The following CAMK1D variants were observed in gnomAD, a reference collection of about 807,000 sequenced individuals.
The protein encoded by CAMK1D is calcium/calmodulin dependent protein kinase ID, also known as calcium/calmodulin-dependent protein kinase type 1D.
CAMK1D carries 9 observed loss-of-function variants against 47.7 expected under a neutral mutation model. The ratio of observed to expected loss-of-function variants is 0.19; its 90% CI spans 0.11 to 0.33. The LOEUF is 0.33. Ranked by LOEUF, CAMK1D falls within the 10% of genes least tolerant of loss-of-function variation. The pLI is 1.00. For missense variants in CAMK1D, 291 were observed against 488.7 expected (o/e 0.60, Z 3.81); for synonymous variants, 184 against 184.9 (o/e 0.99, Z 0.04).
intron 1 of CAMK1D, among the ~76,000 whole-genome samples, chr10:12,506,740 G>A (rs145837045): frequency 4.3e-4 from 66 of 152,108 alleles, no homozygotes; most frequent in African/African-American, 1.4e-3. Context: ...GGATGGTCTC[G>A]GTCTCCTGAC....
intron 2 of CAMK1D, among the ~76,000 whole-genome samples, chr10:12,647,904 T>A (rs1839855477): frequency 6.6e-6 from 1 of 152,154 alleles, no homozygotes; most frequent in African/African-American, 2.4e-5. Context: ...GCACTGTTGA[T>A]GGGATGTCCT....
At chr10:12,446,765 C>T (rs573531739) in intron 1 of CAMK1D, among the ~76,000 whole-genome samples, 3 of 152,184 alleles carry the variant, frequency 2.0e-5, no homozygotes, top group African/African-American at 4.8e-5. Flanking sequence ...GATTCCCAAG[C>T]CCTTTGGAGT....
chr10:12,647,386 T>C (rs1375609527), intron 2 of CAMK1D, among the ~76,000 whole-genome samples: 2 of 152,094 alleles, frequency 1.3e-5, no homozygotes, highest in East Asian at 3.9e-4. Flanking sequence ...TGACCTCAAG[T>C]GACCCACGTG....
chr10:12,702,863 G>A (rs1385358781), intron 3 of CAMK1D, among the ~76,000 whole-genome samples: 1 of 152,226 alleles, frequency 6.6e-6, no homozygotes, highest in Non-Finnish European at 1.5e-5. Flanking sequence ...CCTAGGGGCA[G>A]CCCGAAGGTC....
intron 1 of CAMK1D, among the ~76,000 whole-genome samples, chr10:12,541,795 A>G (rs1190595149): frequency 6.6e-6 from 1 of 151,534 alleles, no homozygotes. Context: ...TGTTTCCTAG[A>G]CGGTCTCAAG....
intron 2 of CAMK1D, among the ~76,000 whole-genome samples, chr10:12,617,396 C>T (rs139868286): frequency 2.0e-5 from 3 of 152,332 alleles, no homozygotes; most frequent in South Asian, 4.1e-4. Flanking sequence ...GCGTCACTTA[C>T]GGTAAATATC....
intron 5 of CAMK1D, among the ~76,000 whole-genome samples, chr10:12,785,168 A>G (rs923534174): frequency 1.3e-5 from 2 of 152,214 alleles, no homozygotes; most frequent in Non-Finnish European, 1.5e-5. Flanking sequence ...ACTGGCTTGC[A>G]TAGGTCCCTT....
chr10:12,567,467 C>T (rs1417639893), intron 2 of CAMK1D, among the ~76,000 whole-genome samples: 2 of 152,152 alleles, frequency 1.3e-5, no homozygotes, highest in African/African-American at 2.4e-5. Flanking sequence ...GAGACGTTCA[C>T]GGTTTGGGGG....
In CAMK1D at chr10:12,560,998, C is replaced by T. The variant is rs186984371; in HGVS notation, c.224+7642C>T. Among the ~76,000 whole-genome samples, 65 of 151,962 alleles carry T rather than the reference C, an allele frequency of 4.3e-4. No individual in the cohort carries two copies. The South Asian group carries it at 6.0e-3, about 14-fold the overall frequency. On this transcript the variant is annotated intron_variant, in intron 2 of 10. Coordinates refer to ENST00000619168, the MANE Select transcript of CAMK1D (RefSeq NM_153498.4). ...GTGCGATCTCGGCTCACTGCAAGCTCCGCCTCCCAGCTTCACGCCATTCTC... is the reference window on the plus strand; with the variant it reads ...GTGCGATCTCGGCTCACTGCAAGCTTCGCCTCCCAGCTTCACGCCATTCTC...
chr10:12,574,497 T>TTTTTTTTA lies in CAMK1D; in HGVS notation c.224+21141_224+21142insTTTTTTTA, dbSNP rs368308201. On this transcript the variant is annotated intron_variant, in intron 2 of 10. Transcript: ENST00000619168. ...TTTTTTTTTTTTTTTTTTTTTTTTTTAGTAGAGACGGGGCTTCGCCATGTT... is the reference window on the plus strand; with the variant it reads ...TTTTTTTTTTTTTTTTTTTTTTTTTTTTTTTTTAAGTAGAGACGGGGCTTCGCCATGTT... 7.1e-4 allele frequency among the ~76,000 whole-genome samples: 91 copies of TTTTTTTTA among 128,764 alleles called. 4 individuals are homozygous for TTTTTTTTA. Among genetic ancestry groups the TTTTTTTTA allele is most frequent in the South Asian group, 1.0e-3 (4 of 3,890 alleles). 84.5% of individuals were successfully genotyped at this position (128,764 alleles called of 152,430 possible). A position where few individuals can be genotyped will look rare whatever the true frequency, so the allele number is the denominator to read the frequency against.
chr10:12,396,991 G>A (rs1244944259), intron 1 of CAMK1D, among the ~76,000 whole-genome samples: 3 of 152,112 alleles, frequency 2.0e-5, no homozygotes, highest in African/African-American at 7.2e-5. Flanking sequence ...ATCTCGACTG[G>A]GCCCTGTCGG....
At chr10:12,405,286 CCATGGT>C (rs1839380008) in intron 1 of CAMK1D, among the ~76,000 whole-genome samples, 2 of 152,156 alleles carry the variant, frequency 1.3e-5, no homozygotes, top group African/African-American at 4.8e-5. Flanking sequence ...AGTTCCATGC[CCATGGT>C]CAGAGATGTG....
At chr10:12,451,447 C>T (rs562711081) in intron 1 of CAMK1D, among the ~76,000 whole-genome samples, 347 of 152,268 alleles carry the variant, frequency 2.3e-3, no homozygotes, top group Middle Eastern at 3.4e-3. Context: ...TCACTCTTGC[C>T]CTCTTCTTGG....
chr10:12,828,201 AG>A (rs1367065407), intron 10 of CAMK1D, among the ~76,000 whole-genome samples: 1 of 152,246 alleles, frequency 6.6e-6, no homozygotes, highest in East Asian at 1.9e-4. Context: ...GTTGTACCAC[AG>A]TGGTGAAACC....
At chr10:12,418,082 T>C (rs149516661) in intron 1 of CAMK1D, among the ~76,000 whole-genome samples, 2 of 152,130 alleles carry the variant, frequency 1.3e-5, no homozygotes, top group African/African-American at 4.8e-5. Context: ...CTCACAAGAG[T>C]GAGCCACCAC....
intron 2 of CAMK1D, among the ~76,000 whole-genome samples, chr10:12,637,183 G>A (rs570680240): frequency 6.6e-6 from 1 of 152,028 alleles, no homozygotes; most frequent in African/African-American, 2.4e-5. Flanking sequence ...TGTTGGCCAG[G>A]CTGATCTTGA....
intron 3 of CAMK1D, among the ~76,000 whole-genome samples, chr10:12,673,024 G>A (rs573466540): frequency 6.6e-6 from 1 of 151,658 alleles, no homozygotes; most frequent in South Asian, 2.1e-4. Context: ...AGCCTCCTGA[G>A]TAGCTGGGAT....
At position 12,694,100 on chromosome 10, in the gene CAMK1D, TA is replaced by T. The variant is rs1284097747; in HGVS notation, c.299+27292del. 3.1e-4 allele frequency among the ~76,000 whole-genome samples: 17 copies of T among 55,148 alleles called. 3 individuals carry two copies. Among genetic ancestry groups the T allele is most frequent in the African/African-American group, 9.6e-4 (13 of 13,572 alleles). The allele number at this position is 55,148 out of a possible 152,430, so 36.2% of individuals were successfully genotyped here. On this transcript the variant is annotated intron_variant, in intron 3 of 10. Coordinates refer to ENST00000619168, the MANE Select transcript of CAMK1D (RefSeq NM_153498.4). ...AATATTATGTATAATATATATTATA[TA>T]ATATATAATATATATTATGCATAAT... is the stretch of plus-strand genomic sequence containing the variant.
intron 3 of CAMK1D, among the ~76,000 whole-genome samples, chr10:12,684,800 A>G (rs942290675): frequency 6.6e-6 from 1 of 151,308 alleles, no homozygotes; most frequent in Admixed American, 6.6e-5. Flanking sequence ...TTTTTTTATC[A>G]TGGTGCTATT....
Sources: allele counts gnomAD v4.1 joint callset (sites outside exome capture counted in the v4.1 genomes callset), GRCh38; gene constraint gnomAD v4.1.1; transcripts MANE v1.5; gene names NCBI Gene and HGNC (gene_info 2026-07-23, HGNC 2026-07-21).